Variants in TMEM117 observed in about 807,000 individuals in gnomAD.
TMEM117 encodes the protein transmembrane protein 117.
A neutral mutation model predicts 52.4 loss-of-function variants in TMEM117; 27 were observed. The ratio of observed to expected loss-of-function variants is 0.51; its 90% CI spans 0.38 to 0.71. The LOEUF (loss-of-function observed/expected upper bound fraction) is 0.71, where lower values mean the gene tolerates loss of function less well. Among genes scored for constraint, TMEM117 ranks in the 30% least tolerant of loss-of-function variants. The pLI is 0.00. For missense variants in TMEM117, 556 were observed against 630.5 expected, an observed-to-expected ratio of 0.88 and a Z score of 1.26; for synonymous variants, 215 against 206.3, an observed-to-expected ratio of 1.04 and a Z score of -0.36.
rs1198244362 is a variant in TMEM117 at position 43,891,605 on chromosome 12, A to G, written c.277+46677A>G. Among the ~76,000 whole-genome samples the G allele has an allele frequency of 2.0e-5, 3 of 151,842 alleles. No individual in the cohort carries two copies. The East Asian group carries it at 5.8e-4, about 30-fold the overall frequency. ...ATGGTCTCGATCCCCTGACCTCATGATCCACCCGCCTTGGCCTCCCAAAGT... is the reference window on the plus strand; with the variant it reads ...ATGGTCTCGATCCCCTGACCTCATGGTCCACCCGCCTTGGCCTCCCAAAGT... On this transcript the variant is annotated intron_variant, in intron 2 of 7. Transcript: ENST00000266534.
intron 2 of TMEM117, among the ~76,000 whole-genome samples, chr12:43,846,825 G>A (rs567794693): frequency 1.6e-4 from 24 of 152,072 alleles, no homozygotes; most frequent in Non-Finnish European, 1.9e-4. Flanking sequence ...ATGTTTTAAG[G>A]AATAAATAAA....
intron 5 of TMEM117, among the ~76,000 whole-genome samples, chr12:44,297,648 T>C (rs1021595467): frequency 1.3e-5 from 2 of 152,184 alleles, no homozygotes; most frequent in African/African-American, 4.8e-5. Flanking sequence ...ATACCCTTAC[T>C]ACCAAAAAAC....
chr12:44,181,715 C>G (rs1485151266), intron 4 of TMEM117, among the ~76,000 whole-genome samples: 5 of 151,144 alleles, frequency 3.3e-5, no homozygotes, highest in Non-Finnish European at 5.9e-5. Flanking sequence ...TGATCTATAT[C>G]TCTGTTTTGG....
chr12:43,978,060 G>T (rs1945701489), intron 3 of TMEM117, among the ~76,000 whole-genome samples: 1 of 152,092 alleles, frequency 6.6e-6, no homozygotes, highest in Non-Finnish European at 1.5e-5. Flanking sequence ...GGCAATCTGG[G>T]CATTGCAGGA....
chr12:43,874,757 G>A (rs1731436), intron 2 of TMEM117, among the ~76,000 whole-genome samples: 150,284 of 152,340 alleles, frequency 0.99, 74,171 homozygotes, highest in East Asian at 1. Flanking sequence ...TCCTTTGTCA[G>A]TATAGCACAG....
Position 43,981,549 on chromosome 12 carries a change from A to C in TMEM117, c.410+37207A>C, listed in dbSNP as rs893467180. On this transcript the variant is annotated intron_variant, in intron 3 of 7. Coordinates refer to ENST00000266534, the MANE Select transcript of TMEM117 (RefSeq NM_032256.3). Reference sequence around the variant, plus strand: ...TTCCTTACTGGTAGAAGTGTTCGAGAAACTGTGAGATAGACTGCCTATCAG... The same window carrying C: ...TTCCTTACTGGTAGAAGTGTTCGAGCAACTGTGAGATAGACTGCCTATCAG... 4.0e-4 allele frequency among the ~76,000 whole-genome samples: 61 copies of C among 152,314 alleles called. 1 individual carries two copies. The highest frequency in any genetic ancestry group is 1.8e-3 in the Admixed American group (28 of 15,290).
Position 43,997,376 on chromosome 12 carries a change from G to A in TMEM117, c.410+53034G>A, listed in dbSNP as rs115048373. On this transcript the variant is annotated intron_variant, in intron 3 of 7. Transcript: ENST00000266534. The stretch of plus-strand genomic sequence containing the variant: ...TCTTATTTTTTTGGTATAAGGACAG[G>A]GGACTTAATAAGAAACAATAAGGAG... Among the ~76,000 whole-genome samples the A allele has an allele frequency of 6.9e-3, 1,047 of 152,118 alleles. 18 individuals are homozygous for A. Among genetic ancestry groups the A allele is most frequent in the African/African-American group, 0.024 (994 of 41,506 alleles).
At chr12:44,369,640 A>C (rs1951835882) in intron 6 of TMEM117, among the ~76,000 whole-genome samples, 2 of 152,236 alleles carry the variant, frequency 1.3e-5, no homozygotes, top group African/African-American at 4.8e-5. Flanking sequence ...GCTGTATTAG[A>C]ATACACAAAA....
At chr12:44,141,219 T>C (rs1156963720) in intron 3 of TMEM117, among the ~76,000 whole-genome samples, 1 of 152,174 alleles carries the variant, frequency 6.6e-6, no homozygotes. Flanking sequence ...ATACCAAATT[T>C]GTGACATTTT....
chr12:44,017,396 C>T (rs1398541627), intron 3 of TMEM117, among the ~76,000 whole-genome samples: 1 of 133,196 alleles, frequency 7.5e-6, no homozygotes, highest in African/African-American at 2.9e-5. Flanking sequence ...AAAGGAAAAA[C>T]CCCAAACCCA....
At chr12:43,961,403 T>C (rs1387992020) in intron 3 of TMEM117, among the ~76,000 whole-genome samples, 3 of 152,182 alleles carry the variant, frequency 2.0e-5, no homozygotes, top group Non-Finnish European at 4.4e-5. Context: ...AATACCTGGC[T>C]CCAGTAGGTC....
At chr12:44,096,071 T>C (rs1179522257) in intron 3 of TMEM117, among the ~76,000 whole-genome samples, 1 of 151,938 alleles carries the variant, frequency 6.6e-6, no homozygotes, top group South Asian at 2.1e-4. Flanking sequence ...TATATACCAA[T>C]AACAGACAAA....
At chr12:43,996,510 G>C (rs1284971522) in intron 3 of TMEM117, among the ~76,000 whole-genome samples, 1 of 152,028 alleles carries the variant, frequency 6.6e-6, no homozygotes, top group Non-Finnish European at 1.5e-5. Flanking sequence ...GGGCGTGGTG[G>C]CGGGCGCCTG....
chr12:44,016,137 C>T (rs1946370413), intron 3 of TMEM117, among the ~76,000 whole-genome samples: 1 of 152,164 alleles, frequency 6.6e-6, no homozygotes, highest in South Asian at 2.1e-4. Flanking sequence ...TACGGTTCTG[C>T]CTCCCCTGAA....
At chr12:43,959,042 C>T (rs920035151) in intron 3 of TMEM117, among the ~76,000 whole-genome samples, 2 of 152,044 alleles carry the variant, frequency 1.3e-5, no homozygotes, top group Non-Finnish European at 2.9e-5. Context: ...CTCCTGACCT[C>T]GTGATCCGCC....
At chr12:43,861,962 A>G (rs368516216) in intron 2 of TMEM117, among the ~76,000 whole-genome samples, 4 of 152,280 alleles carry the variant, frequency 2.6e-5, no homozygotes, top group Non-Finnish European at 5.9e-5. Flanking sequence ...ATGGCTGGTT[A>G]GGTCAGAGCA....
rs146295166 is a variant in TMEM117, at chr12:44,014,105, G to T, written c.410+69763G>T. Among the ~76,000 whole-genome samples, 456 of 152,214 alleles carry T rather than the reference G, an allele frequency of 3.0e-3. 4 individuals carry two copies. The highest frequency in any genetic ancestry group is 1.0e-2 in the African/African-American group (415 of 41,544). ...TTTTCACGGTGAAGCCTGGGCAGTG[G>T]GAAGCCGTATTCAGAAGTCCCCCTG... On this transcript the variant is annotated intron_variant, in intron 3 of 7. Coordinates refer to ENST00000266534, the MANE Select transcript of TMEM117 (RefSeq NM_032256.3).
intron 2 of TMEM117, among the ~76,000 whole-genome samples, chr12:43,903,190 A>G (rs1480058860): frequency 1.3e-5 from 2 of 152,200 alleles, no homozygotes; most frequent in Non-Finnish European, 2.9e-5. Context: ...TTTTTTGGGT[A>G]CAAGTCAAGA....
intron 2 of TMEM117, among the ~76,000 whole-genome samples, chr12:43,914,065 C>T (rs11182324): frequency 0.72 from 108,939 of 151,960 alleles, 42,157 homozygotes; most frequent in East Asian, 0.87. Context: ...CATCTGAGGG[C>T]AGACAAAGTA....
Sources: allele counts gnomAD v4.1 joint callset (sites outside exome capture counted in the v4.1 genomes callset), GRCh38; gene constraint gnomAD v4.1.1; transcripts MANE v1.5; gene names NCBI Gene and HGNC (gene_info 2026-07-23, HGNC 2026-07-21).